Variants in IMPACT observed in about 807,000 individuals in gnomAD.
The protein encoded by IMPACT is protein IMPACT.
In IMPACT, 35 loss-of-function variants were observed where a neutral mutation model predicts 47.5. That is an observed-to-expected ratio of 0.74 (90% confidence interval 0.56 to 0.98). The LOEUF (loss-of-function observed/expected upper bound fraction) is 0.98, where lower values mean the gene tolerates loss of function less well. IMPACT is among the 50% of genes least tolerant of loss of function. The pLI is 0.00. For synonymous variants in IMPACT, 118 were observed against 125.6 expected (o/e 0.94, Z 0.40); for missense variants, 373 against 394.8 (o/e 0.94, Z 0.47).
chr18:24,427,869 AT>A (rs1568084296), intron 1 of IMPACT, 49 bp from the exon 2 acceptor site: 1 of 1,534,914 alleles, frequency 6.5e-7, no homozygotes, highest in Admixed American at 2.1e-5. Flanking sequence ...TAAGAATAGG[AT>A]TTTAAGATGT....
intron 1 of IMPACT, chr18:24,427,226 C>T (rs1317254304): frequency 1.2e-5 from 2 of 170,042 alleles, no homozygotes; most frequent in African/African-American, 2.4e-5. Flanking sequence ...TGGCATCGAG[C>T]TTTCCCTGTG....
At chr18:24,440,134 T>A (rs1909062293) in intron 5 of IMPACT, among the ~76,000 whole-genome samples, 1 of 151,556 alleles carries the variant, frequency 6.6e-6, no homozygotes, top group Non-Finnish European at 1.5e-5. Context: ...ATTATTTATA[T>A]CAGTATGGAC....
chr18:24,442,351 A>AAT (rs1909139349), intron 6 of IMPACT, among the ~76,000 whole-genome samples: 1 of 152,010 alleles, frequency 6.6e-6, no homozygotes, highest in Non-Finnish European at 1.5e-5. Flanking sequence ...CGGGGGTTTC[A>AAT]CCATGTTGGC....
rs117072925 is a variant in IMPACT, at chr18:24,444,765, T to C, written c.595-628T>C. On this transcript the variant is annotated intron_variant, in intron 7 of 10. Coordinates refer to ENST00000284202, the MANE Select transcript of IMPACT (RefSeq NM_018439.4). ...AACATTATTGCATGGGATGTACTTA[T>C]AGTAGAAAAATTACTTGTCGTTTAT... Among the ~76,000 whole-genome samples, 138 of 152,366 alleles carry C rather than the reference T, an allele frequency of 9.1e-4. 2 individuals are homozygous for C. In the East Asian group the frequency reaches 0.023, roughly 25 times the overall value.
chr18:24,426,695 G>T lies in IMPACT; in HGVS notation c.-62G>T. On this transcript the variant is annotated 5_prime_UTR_variant, in exon 1 of 11. Coordinates refer to ENST00000284202, the MANE Select transcript of IMPACT (RefSeq NM_018439.4). ...AGCCAGCTCTCGGCTCGCAGCCGCA[G>T]CGCCCCGCCCCCGCGCTCCGGACCT... The T allele has an allele frequency of 8.3e-7, 1 of 1,199,044 alleles. No homozygotes were observed. The highest frequency in any genetic ancestry group is 1.0e-6 in the Non-Finnish European group (1 of 955,950). The allele number at this position is 1,199,044 out of a possible 1,614,324, so 74.3% of individuals were successfully genotyped here.
At position 24,436,756 on chromosome 18, in the gene IMPACT, G is replaced by A. The variant is rs186808729; in HGVS notation, c.282-1199G>A. On this transcript the variant is annotated intron_variant, in intron 4 of 10. Coordinates refer to ENST00000284202, the MANE Select transcript of IMPACT (RefSeq NM_018439.4). ...TGTAGAGATGGGGTTTTGCCAAGTT[G>A]CCCAGGCTGGTCTCGAACTCTTGAG... Among the ~76,000 whole-genome samples, 6 of 152,050 alleles carry A rather than the reference G, an allele frequency of 3.9e-5. No homozygotes were observed. In the East Asian group the frequency reaches 1.2e-3, roughly 29 times the overall value.
intron 1 of IMPACT, chr18:24,427,611 A>G (rs1908646319): frequency 8.2e-6 from 2 of 245,136 alleles, no homozygotes; most frequent in Non-Finnish European, 1.5e-5. Flanking sequence ...AGATAGGTTT[A>G]TCTTTTCACG....
intron 6 of IMPACT, among the ~76,000 whole-genome samples, chr18:24,442,119 T>G (rs1909130006): frequency 6.6e-6 from 1 of 151,746 alleles, no homozygotes; most frequent in Non-Finnish European, 1.5e-5. Context: ...CGATTAAGTC[T>G]CTCAACAGAA....
intron 8 of IMPACT, among the ~76,000 whole-genome samples, chr18:24,447,455 A>G (rs1428692847): frequency 6.6e-6 from 1 of 151,974 alleles, no homozygotes; most frequent in Non-Finnish European, 1.5e-5. Flanking sequence ...CTACATTATT[A>G]TTTCAGATAT....
Position 24,426,707 on chromosome 18 carries a change from C to T in IMPACT, c.-50C>T. The T allele has an allele frequency of 1.6e-6, 2 of 1,229,518 alleles. No homozygotes were observed. The highest frequency in any genetic ancestry group is 2.0e-6 in the Non-Finnish European group (2 of 982,006). The allele number at this position is 1,229,518 out of a possible 1,614,324, so 76.2% of individuals were successfully genotyped here. On this transcript the variant is annotated 5_prime_UTR_variant, in exon 1 of 11. Coordinates refer to ENST00000284202, the MANE Select transcript of IMPACT (RefSeq NM_018439.4). ...GCTCGCAGCCGCAGCGCCCCGCCCC[C>T]GCGCTCCGGACCTGGCAGGCGGCGG...
chr18:24,440,443 A>G lies in IMPACT; in HGVS notation c.368-53A>G, dbSNP rs1909071305. The G allele has an allele frequency of 2.5e-6, 4 of 1,580,910 alleles. No homozygotes were observed. The African/African-American group carries it at 5.5e-5, about 22-fold the overall frequency. On this transcript the variant is annotated intron_variant, in intron 5 of 10. Transcript: ENST00000284202. ...CAAGACCCAGTGATTTTTTTTTAAA[A>G]AGCATCGTTTCTTACCTGCGTCATA...
At chr18:24,445,229 C>T (rs576577082) in intron 7 of IMPACT, among the ~76,000 whole-genome samples, 164 bp from the exon 8 acceptor site, 6 of 152,220 alleles carry the variant, frequency 3.9e-5, no homozygotes, top group African/African-American at 1.4e-4. Flanking sequence ...CCAGTCTCTG[C>T]CCCTAAAATG....
chr18:24,430,413 T>C, intron 4 of IMPACT, 29 bp downstream of exon 4: 1 of 1,508,946 alleles, frequency 6.6e-7, no homozygotes, highest in South Asian at 1.2e-5. Flanking sequence ...TTTAAAATAA[T>C]TCTGTTAGTG....
chr18:24,439,618 C>T (rs1265975067), intron 5 of IMPACT: 1 of 120,364 alleles, frequency 8.3e-6, no homozygotes, highest in Non-Finnish European at 1.6e-5. Context: ...GCCTGGGCGA[C>T]AGAGCGAGAC....
intron 10 of IMPACT, among the ~76,000 whole-genome samples, 198 bp downstream of exon 10, chr18:24,450,151 G>A (rs954585077): frequency 2.6e-5 from 4 of 152,030 alleles, no homozygotes; most frequent in African/African-American, 7.2e-5. Flanking sequence ...TAATCCCTTC[G>A]CACCTTGATT....
chr18:24,448,373 A>G (rs1414913666), intron 9 of IMPACT, among the ~76,000 whole-genome samples, 190 bp downstream of exon 9: 9 of 152,242 alleles, frequency 5.9e-5, no homozygotes, highest in Non-Finnish European at 1.3e-4. Context: ...GACAGAAAGC[A>G]AATAATTAAT....
chr18:24,440,558 G>C lies in IMPACT; in HGVS notation c.430G>C (p.Ala144Pro), dbSNP rs780185301. 1 of 1,613,240 alleles carries C rather than the reference G, an allele frequency of 6.2e-7. No homozygotes were observed. Among genetic ancestry groups the C allele is most frequent in the African/African-American group, 1.3e-5 (1 of 74,902 alleles). The change falls in exon 6 of 11, where the codon GCA (alanine) becomes CCA (proline). Residue 144 changes from alanine to proline, a missense_variant. Transcript: ENST00000284202. The stretch of plus-strand genomic sequence containing the variant: ...TGAATGTGAAGATGATCTCATTTTA[G>C]CATGTCAGCCGGAAAGTTCGCTTAA... The part of the protein sequence containing the change: ...DVECEDDLIL[A>P]CQPESSLKAL...
In IMPACT at chr18:24,426,925, C is replaced by T. The variant is rs7237296; in HGVS notation, c.36+133C>T. ...GCCAGCACTGGCCACGCCATTTGCT[C>T]CACCGCGTTCCATTTTCCCGGCGCT... On this transcript the variant is annotated intron_variant, in intron 1 of 10. Transcript: ENST00000284202. 2,355 of 579,572 alleles carry T rather than the reference C, an allele frequency of 4.1e-3. 48 individuals are homozygous for T. In the African/African-American group the frequency reaches 0.043, roughly 10 times the overall value. 35.9% of individuals were successfully genotyped at this position (579,572 alleles called of 1,614,324 possible). A position where few individuals can be genotyped will look rare whatever the true frequency, so the allele number is the denominator to read the frequency against.
intron 5 of IMPACT, among the ~76,000 whole-genome samples, chr18:24,440,094 C>T (rs1885524821): frequency 6.6e-6 from 1 of 152,002 alleles, no homozygotes; most frequent in Non-Finnish European, 1.5e-5. Context: ...AGGGATGTCT[C>T]TTCCCATTTA....
Sources: gnomAD v4.1 joint callset for allele counts (sites outside exome capture counted in the v4.1 genomes callset) on GRCh38, gnomAD v4.1.1 for gene constraint, MANE v1.5 for transcripts, NCBI Gene and HGNC (gene_info 2026-07-23, HGNC 2026-07-21) for gene names.